ROBO2: variants seen among roughly 807,000 people sequenced by gnomAD.
ROBO2 encodes the protein roundabout guidance receptor 2.
In ROBO2, 53 loss-of-function variants were observed where a neutral mutation model predicts 160.8. The observed-to-expected ratio is 0.33, with a 90% CI of 0.26 to 0.41. The LOEUF is 0.41. Ranked by LOEUF, ROBO2 falls within the 10% of genes least tolerant of loss-of-function variation. The pLI is 1.00. For missense variants in ROBO2, 1,577 were observed against 1,722.4 expected, an observed-to-expected ratio of 0.92 and a Z score of 1.49; for synonymous variants, 664 against 611.7, an observed-to-expected ratio of 1.09 and a Z score of -1.26.
chr3:75,980,700 A>G (rs1297315418), intron 2 of ROBO2, among the ~76,000 whole-genome samples: 1 of 151,520 alleles, frequency 6.6e-6, no homozygotes, highest in Admixed American at 6.6e-5. Context: ...CTTAAATCTG[A>G]AGAGGATCTG....
chr3:76,972,884 A>C (rs2149289813), intron 2 of ROBO2, among the ~76,000 whole-genome samples: 1 of 152,296 alleles, frequency 6.6e-6, no homozygotes, highest in East Asian at 1.9e-4. Flanking sequence ...TAAATACATA[A>C]AAATTAAAAT....
At chr3:76,707,731 G>GTATATATATATATATATATATATATA (rs56401900) in intron 2 of ROBO2, among the ~76,000 whole-genome samples, 1 of 134,194 alleles carries the variant, frequency 7.5e-6, no homozygotes, top group Non-Finnish European at 1.6e-5. Flanking sequence ...ACATGTGTGT[G>GTATATATATATATATATATATATATA]TATATATATA....
At chr3:76,882,102 GTGTGTGTGTGTC>G (rs1337364483) in intron 2 of ROBO2, among the ~76,000 whole-genome samples, 13 of 150,208 alleles carry the variant, frequency 8.7e-5, no homozygotes, top group South Asian at 4.3e-4. Flanking sequence ...GTGTGTGTGT[GTGTGTGTGTGTC>G]TGTGTGTGTG....
chr3:77,034,110 A>C (rs1291916330), intron 2 of ROBO2, among the ~76,000 whole-genome samples: 1 of 151,860 alleles, frequency 6.6e-6, no homozygotes, highest in Non-Finnish European at 1.5e-5. Flanking sequence ...CTTTTTTGCT[A>C]AGTGAAAGAC....
At chr3:76,852,009 AAGAC>A (rs1180197909) in intron 2 of ROBO2, among the ~76,000 whole-genome samples, 3 of 152,100 alleles carry the variant, frequency 2.0e-5, no homozygotes, top group African/African-American at 7.2e-5. Flanking sequence ...AAGCATAAAA[AAGAC>A]AGTCACCCAT....
At chr3:76,000,366 T>G (rs2065848160) in intron 2 of ROBO2, among the ~76,000 whole-genome samples, 1 of 152,214 alleles carries the variant, frequency 6.6e-6, no homozygotes, top group African/African-American at 2.4e-5. Context: ...TTTAGAGTTC[T>G]TCATAGTTTC....
chr3:76,139,103 G>A lies in ROBO2; in HGVS notation c.109+201501G>A, dbSNP rs370419106. Among the ~76,000 whole-genome samples, 25 of 152,214 alleles carry A rather than the reference G, an allele frequency of 1.6e-4. No individual in the cohort carries two copies. In the South Asian group the frequency reaches 4.3e-3, roughly 26 times the overall value. The stretch of plus-strand genomic sequence containing the variant: ...CACAAAACACTAAATGTATTAGAGC[G>A]TGTACTTAAATGATAACAAACCCTG... On this transcript the variant is annotated intron_variant, in intron 2 of 26. Transcript: ENST00000487694.
chr3:77,354,349 C>T (rs2068761935), intron 2 of ROBO2, among the ~76,000 whole-genome samples: 1 of 152,180 alleles, frequency 6.6e-6, no homozygotes, highest in Non-Finnish European at 1.5e-5. Context: ...CTCCTGGTCT[C>T]ACTGCAGTTT....
chr3:77,648,262 G>A (rs2095425843), exon 26 of ROBO2: 1 of 152,118 alleles, frequency 6.6e-6, no homozygotes, highest in Non-Finnish European at 1.5e-5. Flanking sequence ...AAGAGGTTTT[G>A]TGTTCCCTCT....
chr3:76,561,378 T>C (rs551198393), intron 2 of ROBO2, among the ~76,000 whole-genome samples: 16 of 152,240 alleles, frequency 1.1e-4, no homozygotes, highest in South Asian at 4.1e-4. Flanking sequence ...TTTCCTTAAA[T>C]TGTTATCATC....
At chr3:76,917,745 T>TAA (rs5850299) in intron 2 of ROBO2, among the ~76,000 whole-genome samples, 14 of 150,636 alleles carry the variant, frequency 9.3e-5, no homozygotes, top group Admixed American at 2.6e-4. Flanking sequence ...TCTGGTGAGC[T>TAA]AAAAAAAAAT....
chr3:76,183,410 C>T (rs1342031634), intron 2 of ROBO2, among the ~76,000 whole-genome samples: 2 of 152,092 alleles, frequency 1.3e-5, no homozygotes, highest in Admixed American at 6.6e-5. Context: ...AGAAATAGCA[C>T]GGTACTTGTG....
At chr3:77,019,028 T>G (rs992323515) in intron 2 of ROBO2, among the ~76,000 whole-genome samples, 1 of 152,194 alleles carries the variant, frequency 6.6e-6, no homozygotes, top group Non-Finnish European at 1.5e-5. Flanking sequence ...AACAAGAGCA[T>G]CCTTCCAAAT....
At chr3:76,526,589 G>A (rs1165282459) in intron 2 of ROBO2, among the ~76,000 whole-genome samples, 1 of 151,846 alleles carries the variant, frequency 6.6e-6, no homozygotes, top group African/African-American at 2.4e-5. Context: ...TAAAATTTTA[G>A]TTTTTTTCTA....
At chr3:77,567,891 T>C (rs2093530712) in intron 12 of ROBO2, among the ~76,000 whole-genome samples, 1 of 151,938 alleles carries the variant, frequency 6.6e-6, no homozygotes, top group Non-Finnish European at 1.5e-5. Flanking sequence ...TTAGCATCAG[T>C]TTTTAGATAT....
rs535095262 is a variant in ROBO2, at chr3:77,438,405, T to C, written c.389-39009T>C. Among the ~76,000 whole-genome samples the C allele has an allele frequency of 6.6e-5, 10 of 151,926 alleles. No homozygotes were observed. In the East Asian group the frequency reaches 1.9e-3, roughly 29 times the overall value. ...AGTTTTACCAGGAAATAAATCTGTA[T>C]ATATTTTATATATATATGGAAAGAG... On this transcript the variant is annotated intron_variant, in intron 2 of 25. Coordinates refer to ENST00000461745, the Ensembl canonical transcript of ROBO2.
At chr3:77,521,162 C>A (rs576220367) in intron 5 of ROBO2, among the ~76,000 whole-genome samples, 1 of 151,252 alleles carries the variant, frequency 6.6e-6, no homozygotes, top group South Asian at 2.1e-4. Context: ...TAGATGTTAT[C>A]TTTAGCACTT....
intron 2 of ROBO2, among the ~76,000 whole-genome samples, chr3:77,134,734 T>A (rs1469395980): frequency 1.3e-5 from 2 of 152,132 alleles, no homozygotes; most frequent in African/African-American, 4.8e-5. Context: ...AATAATTTAA[T>A]AAGAAACTCC....
At chr3:76,830,972 AGTGAGACCCT>A (rs1216846178) in intron 2 of ROBO2, among the ~76,000 whole-genome samples, 1 of 152,128 alleles carries the variant, frequency 6.6e-6, no homozygotes, top group Non-Finnish European at 1.5e-5. Flanking sequence ...CTGGGTGCAC[AGTGAGACCCT>A]GTTGTTCAAA....
Sources: gnomAD v4.1 joint callset for allele counts (sites outside exome capture counted in the v4.1 genomes callset) on GRCh38, gnomAD v4.1.1 for gene constraint, MANE v1.5 for transcripts, NCBI Gene and HGNC (gene_info 2026-07-23, HGNC 2026-07-21) for gene names.